PDE3A: variants seen among roughly 807,000 people sequenced by gnomAD.
PDE3A encodes phosphodiesterase 3A, also known as cGMP-inhibited 3',5'-cyclic phosphodiesterase 3A.
A neutral mutation model predicts 98.3 loss-of-function variants in PDE3A; 43 were observed. That is an observed-to-expected ratio of 0.44 (90% CI 0.34 to 0.56). The LOEUF (loss-of-function observed/expected upper bound fraction) is 0.56. PDE3A is among the 20% of genes least tolerant of loss of function. The pLI is 0.01. For synonymous variants in PDE3A, 663 were observed against 567.9 expected, an observed-to-expected ratio of 1.17 and a Z score of -2.38; for missense variants, 1,427 against 1,440.7, an observed-to-expected ratio of 0.99 and a Z score of 0.15.
At position 20,467,794 on chromosome 12, in the gene PDE3A, G is replaced by A. The variant is rs562967184; in HGVS notation, c.961-88866G>A. Among the ~76,000 whole-genome samples the A allele has an allele frequency of 5.9e-5, 9 of 151,542 alleles. No individual in the cohort carries two copies. In the East Asian group the frequency reaches 1.8e-3, roughly 30 times the overall value. ...TACTAAAAATACAAAAAGTAGCTGG[G>A]CATGGTGGCACGCGCCTATAATCCC... is the stretch of plus-strand genomic sequence containing the variant. On this transcript the variant is annotated intron_variant, in intron 1 of 15. Transcript: ENST00000359062.
Position 20,386,109 on chromosome 12 carries a change from AT to A in PDE3A, c.960+15866del, listed in dbSNP as rs1308281801. 8.8e-4 allele frequency among the ~76,000 whole-genome samples: 23 copies of A among 26,100 alleles called. No individual in the cohort carries two copies. In the East Asian group the frequency reaches 0.015, roughly 17 times the overall value. The allele number at this position is 26,100 out of a possible 152,430, so 17.1% of individuals were successfully genotyped here. On this transcript the variant is annotated intron_variant, in intron 1 of 15. Transcript: ENST00000359062. The stretch of plus-strand genomic sequence containing the variant: ...TATATAAATATATATAAATATATAT[AT>A]AAATATATATAAATATATATAAATA...
intron 2 of PDE3A, among the ~76,000 whole-genome samples, chr12:20,593,426 A>C (rs935197325): frequency 2.6e-5 from 4 of 152,292 alleles, no homozygotes; most frequent in Non-Finnish European, 5.9e-5. Context: ...GCATAATAAT[A>C]TCTCTGCATT....
rs1942257174 is a variant in PDE3A, at chr12:20,552,974, T to G, written c.961-3686T>G. ...GTGAACCAGCCTCTGCAGACCGTCC[T>G]CAACCAGCTCTTCCCCGGCTACGGC... is the stretch of plus-strand genomic sequence containing the variant. On this transcript the variant is annotated intron_variant, in intron 1 of 15. Coordinates refer to ENST00000359062, the MANE Select transcript of PDE3A (RefSeq NM_000921.5). This position sits in a 1 kb window ranked among gnomAD's most constrained non-coding sequence, Gnocchi z 5.1. 2.5e-6 allele frequency: 4 copies of G among 1,576,844 alleles called. No individual in the cohort carries two copies. The highest frequency in any genetic ancestry group is 3.4e-6 in the Non-Finnish European group (4 of 1,160,486).
intron 1 of PDE3A, among the ~76,000 whole-genome samples, chr12:20,541,360 C>T (rs1000235240): frequency 7.9e-5 from 12 of 151,910 alleles, no homozygotes; most frequent in African/African-American, 2.9e-4. Flanking sequence ...TCACCTCAGT[C>T]TCTCAAAGTG....
intron 1 of PDE3A, among the ~76,000 whole-genome samples, chr12:20,499,053 A>G (rs1327919774): frequency 6.6e-6 from 1 of 152,182 alleles, no homozygotes; most frequent in Non-Finnish European, 1.5e-5. Flanking sequence ...AGTAAGGATT[A>G]AAAAATTATA....
At chr12:20,597,551 CT>C (rs2121397288) in intron 2 of PDE3A, among the ~76,000 whole-genome samples, 1 of 152,068 alleles carries the variant, frequency 6.6e-6, no homozygotes, top group South Asian at 2.1e-4. Context: ...ATAATGGTGA[CT>C]CTGTTCAGAG....
intron 1 of PDE3A, among the ~76,000 whole-genome samples, chr12:20,395,214 T>A (rs900396395): frequency 1.3e-5 from 2 of 151,950 alleles, no homozygotes; most frequent in Non-Finnish European, 1.5e-5. Context: ...ATTTATAAAA[T>A]GTGGATAATA....
At chr12:20,572,841 A>G (rs1225371024) in intron 2 of PDE3A, among the ~76,000 whole-genome samples, 2 of 152,090 alleles carry the variant, frequency 1.3e-5, no homozygotes, top group Non-Finnish European at 2.9e-5. Flanking sequence ...TCGTGCATGT[A>G]TTTTATGTTT....
chr12:20,536,840 G>T (rs534121083), intron 1 of PDE3A, among the ~76,000 whole-genome samples: 1 of 152,114 alleles, frequency 6.6e-6, no homozygotes, highest in South Asian at 2.1e-4. Flanking sequence ...GAATAATGCT[G>T]CTATTAACAT....
At chr12:20,529,619 C>T (rs1045027992) in intron 1 of PDE3A, among the ~76,000 whole-genome samples, 6 of 152,042 alleles carry the variant, frequency 3.9e-5, no homozygotes, top group Non-Finnish European at 4.4e-5. Context: ...GATGCATCTA[C>T]AAGCCAAGGA....
chr12:20,497,517 C>A, intron 1 of PDE3A, among the ~76,000 whole-genome samples: 1 of 148,930 alleles, frequency 6.7e-6, no homozygotes, highest in Non-Finnish European at 1.5e-5. Context: ...ATAGGTTCTA[C>A]AAATTGTGCC....
chr12:20,655,681 G>A (rs915021007), intron 15 of PDE3A, among the ~76,000 whole-genome samples: 2 of 152,230 alleles, frequency 1.3e-5, no homozygotes, highest in Non-Finnish European at 2.9e-5. Flanking sequence ...CACGGTAAGT[G>A]TTGTGGCTTT....
intron 12 of PDE3A, among the ~76,000 whole-genome samples, chr12:20,647,694 G>T (rs937030069): frequency 6.6e-6 from 1 of 151,884 alleles, no homozygotes; most frequent in African/African-American, 2.4e-5. Context: ...TCCCATTGCT[G>T]TTCATTTCCA....
At chr12:20,627,996 T>C (rs1164881070) in intron 5 of PDE3A, among the ~76,000 whole-genome samples, 1 of 152,208 alleles carries the variant, frequency 6.6e-6, no homozygotes, top group East Asian at 1.9e-4. Context: ...AGAGCACCCA[T>C]ATATGTGTAA....
chr12:20,488,646 G>A (rs61073994), intron 1 of PDE3A, among the ~76,000 whole-genome samples: 3,739 of 151,980 alleles, frequency 0.025, 143 homozygotes, highest in African/African-American at 0.084. Context: ...CGGGCTGAGT[G>A]ACACAGTGAG....
At chr12:20,403,729 AT>A (rs1277776832) in intron 1 of PDE3A, among the ~76,000 whole-genome samples, 4 of 152,120 alleles carry the variant, frequency 2.6e-5, no homozygotes, top group Non-Finnish European at 5.9e-5. Flanking sequence ...CCTCCCCAAA[AT>A]TTTTATTTCA....
intron 1 of PDE3A, among the ~76,000 whole-genome samples, chr12:20,483,757 G>A (rs994074862): frequency 2.0e-5 from 3 of 152,086 alleles, no homozygotes; most frequent in Admixed American, 1.3e-4. Flanking sequence ...AAAATTTGGA[G>A]GGAAAGATAA....
chr12:20,506,884 G>T (rs1946128756), intron 1 of PDE3A, among the ~76,000 whole-genome samples: 3 of 151,864 alleles, frequency 2.0e-5, no homozygotes, highest in South Asian at 2.1e-4. Flanking sequence ...GCTCACATTT[G>T]TCATCAAAAT....
chr12:20,657,882 T>C (rs567878559), intron 15 of PDE3A, among the ~76,000 whole-genome samples: 13 of 152,202 alleles, frequency 8.5e-5, no homozygotes, highest in Admixed American at 7.2e-4. Flanking sequence ...TTCTTCCCTA[T>C]GAATGCACTG....
Sources: allele counts gnomAD v4.1 joint callset (sites outside exome capture counted in the v4.1 genomes callset), GRCh38; gene constraint gnomAD v4.1.1; non-coding constraint Gnocchi (gnomAD v3.1); transcripts MANE v1.5; gene names NCBI Gene and HGNC (gene_info 2026-07-23, HGNC 2026-07-21).